LRP1B: variants seen among roughly 807,000 people sequenced by gnomAD.
LRP1B encodes the protein LDL receptor related protein 1B, also known as low-density lipoprotein receptor-related protein 1B.
In LRP1B, 217 loss-of-function variants were observed where a neutral mutation model predicts 556.6. The observed-to-expected ratio is 0.39, with a 90% confidence interval of 0.35 to 0.44. The LOEUF is 0.44. Among genes scored for constraint, LRP1B ranks in the 20% least tolerant of loss-of-function variants. The pLI is 1.00. For synonymous variants in LRP1B, 2,047 were observed against 1,865.8 expected (o/e 1.10, Z -2.50); for missense variants, 5,053 against 5,620.8 (o/e 0.90, Z 3.23).
chr2:141,051,508 C>G (rs1045476182), intron 10 of LRP1B, among the ~76,000 whole-genome samples: 2 of 151,966 alleles, frequency 1.3e-5, no homozygotes, highest in Non-Finnish European at 2.9e-5. Context: ...CAATCATTCT[C>G]AGCAAATTAG....
intron 1 of LRP1B, among the ~76,000 whole-genome samples, chr2:141,863,782 GATTC>G (rs911620306): frequency 1.2e-4 from 18 of 151,716 alleles, no homozygotes; most frequent in Non-Finnish European, 1.9e-4. Flanking sequence ...AAACCTATTT[GATTC>G]ATTGTCTTTT....
intron 3 of LRP1B, among the ~76,000 whole-genome samples, chr2:141,363,064 G>A (rs918357002): frequency 1.3e-5 from 2 of 152,028 alleles, no homozygotes; most frequent in South Asian, 4.1e-4. Context: ...GTGAATGTAG[G>A]TCCCTCCACA....
intron 1 of LRP1B, among the ~76,000 whole-genome samples, chr2:142,031,943 A>C (rs77273678): frequency 0.025 from 3,786 of 151,920 alleles, 163 homozygotes; most frequent in East Asian, 0.17. Flanking sequence ...CCCCACACAG[A>C]CTGGAGTCAT....
chr2:140,968,993 A>G (rs1314042241), intron 18 of LRP1B, among the ~76,000 whole-genome samples: 1 of 152,108 alleles, frequency 6.6e-6, no homozygotes, highest in East Asian at 1.9e-4. Flanking sequence ...GTGCTGAGAA[A>G]AATGTATGTT....
chr2:140,722,986 T>A (rs1226890728), intron 35 of LRP1B, among the ~76,000 whole-genome samples: 1 of 152,112 alleles, frequency 6.6e-6, no homozygotes, highest in Non-Finnish European at 1.5e-5. Context: ...GTGATTGCAG[T>A]GAGCCGAGAT....
chr2:141,534,374 C>T (rs1037711423), intron 2 of LRP1B, among the ~76,000 whole-genome samples: 12 of 152,206 alleles, frequency 7.9e-5, no homozygotes, highest in African/African-American at 2.6e-4. Flanking sequence ...CGTTCCCTTG[C>T]GTATCCAAAT....
At chr2:141,629,394 T>C (rs355591) in intron 2 of LRP1B, among the ~76,000 whole-genome samples, 12,079 of 152,224 alleles carry the variant, frequency 0.079, 720 homozygotes, top group South Asian at 0.15. Flanking sequence ...TTGTGTGCAC[T>C]TCTTTATAAC....
chr2:140,340,221 C>T (rs567832428), intron 77 of LRP1B, among the ~76,000 whole-genome samples: 3 of 151,558 alleles, frequency 2.0e-5, no homozygotes, highest in African/African-American at 4.8e-5. Flanking sequence ...ATAAAACACA[C>T]TGAATTTGGA....
At chr2:141,523,925 C>T (rs556228645) in intron 2 of LRP1B, among the ~76,000 whole-genome samples, 13 of 152,250 alleles carry the variant, frequency 8.5e-5, no homozygotes, top group East Asian at 1.9e-4. Flanking sequence ...AAAACTAAAC[C>T]AATGATTGTC....
intron 85 of LRP1B, among the ~76,000 whole-genome samples, chr2:140,271,304 T>TC (rs2104945763): frequency 6.6e-6 from 1 of 152,054 alleles, no homozygotes; most frequent in Admixed American, 6.6e-5. Context: ...GTCACACCAG[T>TC]ATTAGCTGCT....
intron 43 of LRP1B, among the ~76,000 whole-genome samples, chr2:140,565,717 G>A (rs1044587019): frequency 2.0e-5 from 3 of 152,054 alleles, no homozygotes; most frequent in African/African-American, 4.8e-5. Context: ...AGAGTACATC[G>A]AAGGAGTAAC....
intron 6 of LRP1B, among the ~76,000 whole-genome samples, chr2:141,190,696 T>C (rs748951668): frequency 1.3e-5 from 2 of 151,998 alleles, no homozygotes; most frequent in Admixed American, 6.6e-5. Flanking sequence ...TCATTCTAGA[T>C]TTTTATTATA....
intron 2 of LRP1B, among the ~76,000 whole-genome samples, chr2:141,705,775 T>C (rs1692113415): frequency 6.6e-6 from 1 of 151,978 alleles, no homozygotes; most frequent in Admixed American, 6.6e-5. Context: ...GGAGCAAGTA[T>C]TGAAATGCAG....
intron 1 of LRP1B, among the ~76,000 whole-genome samples, chr2:141,941,148 A>G (rs1280191581): frequency 2.0e-5 from 3 of 152,238 alleles, no homozygotes; most frequent in African/African-American, 7.2e-5. Flanking sequence ...TAAGCAACAT[A>G]AAAGGATTCA....
rs375275612 is a variant in LRP1B, at chr2:141,331,419, A to ATG, written c.344-76780_344-76779dup. Among the ~76,000 whole-genome samples, 524 of 152,310 alleles carry ATG rather than the reference A, an allele frequency of 3.4e-3. 3 individuals carry two copies. Among genetic ancestry groups the ATG allele is most frequent in the African/African-American group, 0.012 (492 of 41,568 alleles). Reference sequence around the variant, plus strand: ...TTGATATGGAGATGGGAATTGGCAGATGTACATACAGTGTGTCTGTCACAG... The same window carrying ATG: ...TTGATATGGAGATGGGAATTGGCAGATGTGTACATACAGTGTGTCTGTCACAG... On this transcript the variant is annotated intron_variant, in intron 3 of 90. Coordinates refer to ENST00000389484, the MANE Select transcript of LRP1B (RefSeq NM_018557.3).
intron 3 of LRP1B, among the ~76,000 whole-genome samples, chr2:141,262,236 T>C (rs1053908225): frequency 2.6e-5 from 4 of 151,800 alleles, no homozygotes; most frequent in African/African-American, 7.3e-5. Context: ...ATTAGGTTGT[T>C]TTCTTATTAT....
intron 1 of LRP1B, among the ~76,000 whole-genome samples, chr2:142,051,479 GTTT>G (rs540052313): frequency 2.8e-5 from 1 of 35,798 alleles, no homozygotes; most frequent in Non-Finnish European, 7.9e-5. Context: ...TTGTTTTTTT[GTTT>G]TTTTTTTGTT....
intron 33 of LRP1B, among the ~76,000 whole-genome samples, chr2:140,775,465 T>G (rs1689460666): frequency 1.7e-5 from 2 of 118,934 alleles, no homozygotes; most frequent in African/African-American, 3.0e-5. Context: ...TTTTTTTGGT[T>G]GATTTTTTTT....
At chr2:140,456,431 T>A (rs936913008) in intron 62 of LRP1B, 24 bp downstream of exon 62, 5 of 1,607,834 alleles carry the variant, frequency 3.1e-6, no homozygotes, top group Non-Finnish European at 4.2e-6. Flanking sequence ...CACTCTATAA[T>A]AAGATTCCCA....
Sources: gnomAD v4.1 joint callset for allele counts (sites outside exome capture counted in the v4.1 genomes callset) on GRCh38, gnomAD v4.1.1 for gene constraint, MANE v1.5 for transcripts, NCBI Gene and HGNC (gene_info 2026-07-23, HGNC 2026-07-21) for gene names.